The following COL24A1 variants were observed in gnomAD, a reference collection of about 807,000 sequenced individuals.
COL24A1 encodes collagen alpha-1(XXIV) chain.
In COL24A1, 224 loss-of-function variants were observed where a neutral mutation model predicts 253.9. The ratio of observed to expected loss-of-function variants is 0.88; its 90% confidence interval spans 0.79 to 0.99. COL24A1 has a LOEUF of 0.99. Ranked by LOEUF, COL24A1 falls within the 50% of genes least tolerant of loss-of-function variation. The pLI, the probability that COL24A1 is intolerant of heterozygous loss-of-function variation, is 0.00. For synonymous variants in COL24A1, 685 were observed against 673.7 expected (o/e 1.02, Z -0.26); for missense variants, 2,131 against 2,068.5 (o/e 1.03, Z -0.59).
chr1:86,156,512 T>G lies in COL24A1; in HGVS notation c.-116A>C, dbSNP rs1054356131. The G allele has an allele frequency of 4.3e-6, 4 of 925,892 alleles. No individual in the cohort carries two copies. The African/African-American group carries it at 6.9e-5, about 16-fold the overall frequency. The allele number at this position is 925,892 out of a possible 1,614,324, so 57.4% of individuals were successfully genotyped here. ...GGAAAAAACAATCACATGAAAACCA[T>G]GCTTCAAACCCGCAACAAGAAAAAA... On this transcript the variant is annotated 5_prime_UTR_variant, in exon 1 of 60. An upstream start codon of the reference 5' UTR is lost. Transcript: ENST00000370571.
intron 19 of COL24A1, among the ~76,000 whole-genome samples, chr1:86,012,595 T>C (rs1696612995): frequency 7.0e-6 from 1 of 142,288 alleles, no homozygotes; most frequent in Admixed American, 7.0e-5. Flanking sequence ...TCTCAAAAAA[T>C]AAAATAAAAT....
chr1:85,730,757 C>A, intron 59 of COL24A1, 65 bp from the exon 60 acceptor site: 1 of 1,515,874 alleles, frequency 6.6e-7, no homozygotes. Flanking sequence ...GTAGACAATG[C>A]CTTTCACAGA....
intron 3 of COL24A1, among the ~76,000 whole-genome samples, chr1:86,123,043 GAAA>G (rs1647624863): frequency 6.6e-6 from 1 of 151,922 alleles, no homozygotes; most frequent in South Asian, 2.1e-4. Context: ...GTCATTGTGG[GAAA>G]GTAAATTAAC....
intron 7 of COL24A1, among the ~76,000 whole-genome samples, chr1:86,066,745 T>C (rs748971574): frequency 1.3e-5 from 2 of 152,158 alleles, no homozygotes; most frequent in Non-Finnish European, 2.9e-5. Context: ...TTATTGCTAA[T>C]TTTTTATTGC....
At chr1:86,120,420 A>G (rs1243871788) in intron 3 of COL24A1, among the ~76,000 whole-genome samples, 1 of 152,250 alleles carries the variant, frequency 6.6e-6, no homozygotes, top group African/African-American at 2.4e-5. Context: ...TCCAGAATCT[A>G]CAAATAACTT....
At chr1:85,760,287 C>T (rs1401961738) in intron 55 of COL24A1, among the ~76,000 whole-genome samples, 1 of 152,046 alleles carries the variant, frequency 6.6e-6, no homozygotes, top group African/African-American at 2.4e-5. Context: ...TCAGGTAATA[C>T]ACCCACTTCA....
chr1:86,093,092 T>C (rs553083220), intron 5 of COL24A1, among the ~76,000 whole-genome samples: 3 of 152,198 alleles, frequency 2.0e-5, no homozygotes, highest in Admixed American at 6.5e-5. Flanking sequence ...TTCTCCTTCC[T>C]AGATACTTCT....
rs143586786 is a variant in COL24A1 at position 85,920,867 on chromosome 1, C to T, written c.2563-9434G>A. Among the ~76,000 whole-genome samples the T allele has an allele frequency of 2.9e-3, 433 of 151,324 alleles. 2 individuals carry two copies. Among genetic ancestry groups the T allele is most frequent in the African/African-American group, 7.2e-3 (295 of 41,194 alleles). On this transcript the variant is annotated intron_variant, in intron 24 of 59. Transcript: ENST00000370571. ...AATAATAAGAATGATGTAGTACATA[C>T]GCTGATGATAAACCAGGAACAAGAA... is the stretch of plus-strand genomic sequence containing the variant.
At chr1:86,149,942 C>A (rs1652512723) in intron 1 of COL24A1, among the ~76,000 whole-genome samples, 1 of 152,190 alleles carries the variant, frequency 6.6e-6, no homozygotes, top group South Asian at 2.1e-4. Context: ...ACAACCAAAA[C>A]AAATAGCGAA....
intron 24 of COL24A1, among the ~76,000 whole-genome samples, chr1:85,956,384 A>G (rs1438620256): frequency 2.6e-5 from 4 of 152,194 alleles, no homozygotes; most frequent in Non-Finnish European, 5.9e-5. Flanking sequence ...GAAACAGAGT[A>G]TCTGATTTTG....
At chr1:85,886,882 A>G (rs981440593) in intron 32 of COL24A1, among the ~76,000 whole-genome samples, 5 of 152,140 alleles carry the variant, frequency 3.3e-5, no homozygotes, top group African/African-American at 1.2e-4. Flanking sequence ...AGTGAAATTC[A>G]TCTGCCACTT....
chr1:85,906,262 G>GTTTTTTTTTT (rs1438385660), intron 28 of COL24A1, among the ~76,000 whole-genome samples: 1 of 14,050 alleles, frequency 7.1e-5, no homozygotes, highest in Non-Finnish European at 1.6e-4. Context: ...AAACTGCAAG[G>GTTTTTTTTTT]TCTTTTTTTT....
intron 32 of COL24A1, among the ~76,000 whole-genome samples, chr1:85,882,273 C>T (rs534030351): frequency 1.3e-4 from 19 of 151,818 alleles, no homozygotes; most frequent in South Asian, 2.1e-4. Flanking sequence ...GTCAGGAGAT[C>T]GAGACCACGG....
At chr1:86,139,222 A>G (rs561089877) in intron 2 of COL24A1, among the ~76,000 whole-genome samples, 1 of 151,898 alleles carries the variant, frequency 6.6e-6, no homozygotes, top group Non-Finnish European at 1.5e-5. Flanking sequence ...ATCGAGAAAG[A>G]GGGATGGAGA....
chr1:85,951,723 C>A (rs17128521), intron 24 of COL24A1, among the ~76,000 whole-genome samples: 8,108 of 152,182 alleles, frequency 0.053, 529 homozygotes, highest in Admixed American at 0.19. Context: ...TCATCTTGGT[C>A]TTTTCTGATT....
intron 24 of COL24A1, among the ~76,000 whole-genome samples, chr1:85,935,997 T>C (rs1688217987): frequency 1.4e-5 from 2 of 147,618 alleles, no homozygotes; most frequent in African/African-American, 5.0e-5. Context: ...AATGTCTGAC[T>C]ACTCTGATGG....
At chr1:85,786,939 A>G (rs915462689) in intron 47 of COL24A1, among the ~76,000 whole-genome samples, 9 of 152,226 alleles carry the variant, frequency 5.9e-5, no homozygotes, top group Admixed American at 5.9e-4. Flanking sequence ...TTAAAACTAA[A>G]TCCTAAATCA....
chr1:85,934,827 T>G (rs1688114778), intron 24 of COL24A1, among the ~76,000 whole-genome samples: 1 of 152,120 alleles, frequency 6.6e-6, no homozygotes, highest in Non-Finnish European at 1.5e-5. Context: ...CCCAAGTCAT[T>G]TCTGCTGGAT....
intron 47 of COL24A1, among the ~76,000 whole-genome samples, chr1:85,805,146 A>C (rs955132593): frequency 1.3e-5 from 2 of 152,192 alleles, no homozygotes; most frequent in Non-Finnish European, 2.9e-5. Flanking sequence ...CTGGGTGGCA[A>C]ATATTCTTAA....
Sources: allele counts gnomAD v4.1 joint callset (sites outside exome capture counted in the v4.1 genomes callset), GRCh38; gene constraint gnomAD v4.1.1; transcripts MANE v1.5; gene names NCBI Gene and HGNC (gene_info 2026-07-23, HGNC 2026-07-21).